Variants in CSMD3 observed in about 807,000 individuals in gnomAD.
CSMD3 encodes CUB and Sushi multiple domains 3, also known as CUB and sushi domain-containing protein 3.
A neutral mutation model predicts 435.2 loss-of-function variants in CSMD3; 177 were observed. The observed-to-expected ratio is 0.41, with a 90% CI of 0.36 to 0.46. CSMD3 has a LOEUF of 0.46. CSMD3 is among the 20% of genes least tolerant of loss of function. The pLI, the probability that CSMD3 is intolerant of heterozygous loss-of-function variation, is 0.34. For missense variants in CSMD3, 4,265 were observed against 4,504.6 expected (o/e 0.95, Z 1.52); for synonymous variants, 1,656 against 1,520.5 (o/e 1.09, Z -2.07).
intron 1 of CSMD3, among the ~76,000 whole-genome samples, chr8:113,324,338 T>G (rs2093968983): frequency 6.6e-6 from 1 of 152,136 alleles, no homozygotes; most frequent in African/African-American, 2.4e-5. Flanking sequence ...AATGGTTTCA[T>G]GGGCTAGGCC....
chr8:112,246,887 G>A (rs2130150239), intron 64 of CSMD3, 133 bp downstream of exon 64: 1 of 711,536 alleles, frequency 1.4e-6, no homozygotes, highest in Non-Finnish European at 2.5e-6. Context: ...AAAATTATAT[G>A]CATATAATAT....
chr8:113,358,361 C>T (rs1387893622), intron 1 of CSMD3, among the ~76,000 whole-genome samples: 2 of 151,348 alleles, frequency 1.3e-5, no homozygotes, highest in South Asian at 2.1e-4. Context: ...AAATAGGAAA[C>T]TTTTTTTTTG....
chr8:112,844,772 T>C (rs2080271591), intron 11 of CSMD3, among the ~76,000 whole-genome samples: 1 of 151,982 alleles, frequency 6.6e-6, no homozygotes, highest in Non-Finnish European at 1.5e-5. Context: ...CTAATCATAA[T>C]TGAAAAGCCT....
chr8:112,728,855 T>C (rs1296467952), intron 13 of CSMD3, among the ~76,000 whole-genome samples: 1 of 152,088 alleles, frequency 6.6e-6, no homozygotes, highest in East Asian at 1.9e-4. Flanking sequence ...TATCTATATG[T>C]ACAAATTATT....
intron 13 of CSMD3, among the ~76,000 whole-genome samples, chr8:112,770,043 A>G (rs2078072669): frequency 1.3e-5 from 2 of 152,006 alleles, no homozygotes; most frequent in African/African-American, 4.8e-5. Flanking sequence ...ACACAAAAGC[A>G]CAATTTTAGC....
rs771093996 is a variant in CSMD3 at position 112,287,217 on chromosome 8, C to T, written c.9178G>A (p.Gly3060Ser). The change falls in exon 58 of 71, where the codon GGT becomes AGT. Residue 3060 changes from glycine to serine, a missense_variant. Physicochemically the swap from Gly to Ser is moderately conservative, Grantham distance 56. Transcript: ENST00000297405. ...TGTCTAGAGCCATGGCCGGGAGTACCTGGATCGCCACATGTCCCAGTAGCA... is the reference window on the plus strand; with the variant it reads ...TGTCTAGAGCCATGGCCGGGAGTACTTGGATCGCCACATGTCCCAGTAGCA... ...GDATGTCGDP[G>S]TPGHGSRQES... is the part of the protein sequence containing the mutation. 3 of 1,613,608 alleles carry T rather than the reference C, an allele frequency of 1.9e-6. No homozygotes were observed. In the East Asian group the frequency reaches 6.7e-5, roughly 36 times the overall value.
intron 5 of CSMD3, among the ~76,000 whole-genome samples, chr8:113,091,117 T>C (rs2089988196): frequency 6.6e-6 from 1 of 151,818 alleles, no homozygotes; most frequent in African/African-American, 2.4e-5. Flanking sequence ...GGTTAATAAA[T>C]TACAGAAAAA....
intron 3 of CSMD3, among the ~76,000 whole-genome samples, chr8:113,234,806 C>T (rs1433632837): frequency 6.6e-6 from 1 of 152,068 alleles, no homozygotes; most frequent in Non-Finnish European, 1.5e-5. Flanking sequence ...AATGTTGACT[C>T]CAGTGTGACC....
chr8:113,237,358 T>C (rs1281499832), intron 3 of CSMD3, among the ~76,000 whole-genome samples: 2 of 152,158 alleles, frequency 1.3e-5, no homozygotes, highest in East Asian at 3.9e-4. Flanking sequence ...TGAGAGGACT[T>C]GAAGGGTTCA....
intron 22 of CSMD3, among the ~76,000 whole-genome samples, chr8:112,620,341 G>A (rs1166441040): frequency 6.6e-6 from 1 of 152,070 alleles, no homozygotes; most frequent in Non-Finnish European, 1.5e-5. Flanking sequence ...AATGATGTAG[G>A]AGAATGGCCT....
intron 23 of CSMD3, among the ~76,000 whole-genome samples, chr8:112,579,490 TAATAGTAAAAGTA>T (rs1830185154): frequency 1.3e-5 from 2 of 152,030 alleles, no homozygotes; most frequent in South Asian, 4.2e-4. Context: ...AAAGCACAGA[TAATAGTAAAAGTA>T]TTCCAATAAT....
chr8:112,625,033 C>T (rs961540093), intron 22 of CSMD3, among the ~76,000 whole-genome samples: 2 of 150,250 alleles, frequency 1.3e-5, no homozygotes, highest in Admixed American at 6.7e-5. Flanking sequence ...GGAGGGGATT[C>T]GAGAGGAAAA....
At chr8:112,437,237 G>T (rs1814457846) in intron 32 of CSMD3, among the ~76,000 whole-genome samples, 1 of 142,394 alleles carries the variant, frequency 7.0e-6, no homozygotes, top group Non-Finnish European at 1.5e-5. Context: ...AAATCACTAG[G>T]TTTAATTATT....
chr8:113,077,303 A>G (rs1321041075), intron 5 of CSMD3, among the ~76,000 whole-genome samples: 1 of 152,122 alleles, frequency 6.6e-6, no homozygotes. Flanking sequence ...ACCTCAAAAT[A>G]AAAGATAAAA....
chr8:113,338,968 CATAATTTTATTGAAAATAACAGATTTTCA>C (rs1232528436), intron 1 of CSMD3, among the ~76,000 whole-genome samples: 1 of 151,794 alleles, frequency 6.6e-6, no homozygotes, highest in Non-Finnish European at 1.5e-5. Flanking sequence ...AAATGTTTTT[CATAATTTTATTGAAAATAACAGATTTTCA>C]ATGAGCCATT....
At chr8:112,997,278 C>T (rs944494145) in intron 6 of CSMD3, among the ~76,000 whole-genome samples, 1 of 151,568 alleles carries the variant, frequency 6.6e-6, no homozygotes, top group Non-Finnish European at 1.5e-5. Flanking sequence ...ACTTTTCACA[C>T]AGTTAAAATA....
At chr8:113,263,712 T>G (rs2132370773) in intron 3 of CSMD3, among the ~76,000 whole-genome samples, 1 of 151,956 alleles carries the variant, frequency 6.6e-6, no homozygotes. Context: ...TAAAAGAACA[T>G]ATAAAATCTG....
chr8:113,177,759 A>G (rs2092367813), intron 3 of CSMD3, among the ~76,000 whole-genome samples: 1 of 152,008 alleles, frequency 6.6e-6, no homozygotes, highest in Non-Finnish European at 1.5e-5. Flanking sequence ...TAGTCTAATT[A>G]AAATCCATCT....
At chr8:112,845,109 G>A (rs1234066154) in intron 11 of CSMD3, among the ~76,000 whole-genome samples, 1 of 151,970 alleles carries the variant, frequency 6.6e-6, no homozygotes, top group East Asian at 1.9e-4. Context: ...GACATTCCTA[G>A]AAAGAGCTAA....
Sources: allele counts gnomAD v4.1 joint callset (sites outside exome capture counted in the v4.1 genomes callset), GRCh38; gene constraint gnomAD v4.1.1; transcripts MANE v1.5; gene names NCBI Gene and HGNC (gene_info 2026-07-23, HGNC 2026-07-21).